Variants in SCAF4 observed in about 807,000 individuals in gnomAD.
The protein encoded by SCAF4 is SR-related and CTD-associated factor 4.
A neutral mutation model predicts 129.8 loss-of-function variants in SCAF4; 25 were observed. The observed-to-expected ratio is 0.19, with a 90% CI of 0.14 to 0.27. The LOEUF (loss-of-function observed/expected upper bound fraction) is 0.27. Among genes scored for constraint, SCAF4 ranks in the 10% least tolerant of loss-of-function variants. SCAF4 has a pLI of 1.00. For missense variants in SCAF4, 1,246 were observed against 1,457.1 expected, an observed-to-expected ratio of 0.86 and a Z score of 2.36; for synonymous variants, 551 against 497.7, an observed-to-expected ratio of 1.11 and a Z score of -1.43.
rs1287915707 is a variant in SCAF4, at chr21:31,672,135, T to G, written c.2708A>C (p.His903Pro). 1 of 1,608,286 alleles carries G rather than the reference T, an allele frequency of 6.2e-7. No homozygotes were observed. The highest frequency in any genetic ancestry group is 8.5e-7 in the Non-Finnish European group (1 of 1,175,946). The change falls in exon 20 of 20, where the codon CAT (histidine) becomes CCT (proline). Residue 903 changes from histidine to proline, a missense_variant. This residue lies in a region of SCAF4 where 339 missense variants were observed against 325.0 expected (regional missense o/e 1.04). Transcript: ENST00000286835. ...CGGTGGGAAGGGACCTTTCATTCCA[T>G]GAGGTGGAGGCATCGCAAAGCCCCC... The part of the protein sequence containing the change: ...GPGGFAMPPP[H>P]GMKGPFPPHG...
chr21:31,700,405 TG>T (rs1179291313), intron 7 of SCAF4, among the ~76,000 whole-genome samples: 1 of 151,968 alleles, frequency 6.6e-6, no homozygotes, highest in East Asian at 1.9e-4. Flanking sequence ...CACACTTGGC[TG>T]TCAGGTTTTT....
At chr21:31,701,611 C>A (rs527310814) in intron 6 of SCAF4, among the ~76,000 whole-genome samples, 165 bp downstream of exon 6, 5 of 152,346 alleles carry the variant, frequency 3.3e-5, no homozygotes, top group Admixed American at 6.5e-5. Context: ...ATCACTTCTA[C>A]ATTTTCCCTG....
At chr21:31,683,530 C>T (rs1290304783) in intron 19 of SCAF4, among the ~76,000 whole-genome samples, 1 of 152,130 alleles carries the variant, frequency 6.6e-6, no homozygotes, top group Non-Finnish European at 1.5e-5. Context: ...TCTTTTCACT[C>T]ATTCAATAAA....
At chr21:31,717,878 C>CACAT (rs1459301983) in intron 1 of SCAF4, among the ~76,000 whole-genome samples, 5,264 of 105,726 alleles carry the variant, frequency 0.05, 173 homozygotes, top group Non-Finnish European at 0.055. Flanking sequence ...CACATATACA[C>CACAT]ATATATACAC....
chr21:31,687,454 A>T (rs2050152376), intron 16 of SCAF4, among the ~76,000 whole-genome samples: 1 of 152,196 alleles, frequency 6.6e-6, no homozygotes, highest in Non-Finnish European at 1.5e-5. Flanking sequence ...GCTGAATATA[A>T]ACAACAGAGT....
Position 31,687,873 on chromosome 21 carries a change from C to A in SCAF4, c.2043+434G>T, listed in dbSNP as rs566093726. 5.9e-4 allele frequency among the ~76,000 whole-genome samples: 89 copies of A among 151,838 alleles called. 1 individual carries two copies. Among genetic ancestry groups the A allele is most frequent in the African/African-American group, 2.0e-3 (83 of 41,388 alleles). ...CTGTAATCCCAGCACTTTGGGAGGCCAAGGCAGGCAGATCACTTGAGGCCA... is the reference window on the plus strand; with the variant it reads ...CTGTAATCCCAGCACTTTGGGAGGCAAAGGCAGGCAGATCACTTGAGGCCA... On this transcript the variant is annotated intron_variant, in intron 16 of 19. Transcript: ENST00000286835.
At chr21:31,711,331 T>A (rs1387293675) in intron 1 of SCAF4, among the ~76,000 whole-genome samples, 5 of 152,244 alleles carry the variant, frequency 3.3e-5, no homozygotes, top group Non-Finnish European at 5.9e-5. Context: ...TCTCTACCTT[T>A]TGCAAGACAA....
chr21:31,717,971 T>G (rs2050979495), intron 1 of SCAF4, among the ~76,000 whole-genome samples: 1 of 149,942 alleles, frequency 6.7e-6, no homozygotes, highest in Admixed American at 6.7e-5. Flanking sequence ...GAGATGGAGT[T>G]TCACTCTCAT....
At chr21:31,723,627 T>TGA (rs200958555) in intron 1 of SCAF4, among the ~76,000 whole-genome samples, 1 of 142,574 alleles carries the variant, frequency 7.0e-6, no homozygotes, top group African/African-American at 2.5e-5. Context: ...TGTGTGTGTG[T>TGA]GTGCGCGCGC....
chr21:31,691,627 A>G (rs149401657), intron 14 of SCAF4, among the ~76,000 whole-genome samples, 190 bp downstream of exon 14: 131 of 151,940 alleles, frequency 8.6e-4, no homozygotes, highest in African/African-American at 3.0e-3. Flanking sequence ...CGTAACATTT[A>G]CAATTTTATG....
chr21:31,723,027 T>G (rs968413904), intron 1 of SCAF4, among the ~76,000 whole-genome samples: 18 of 152,220 alleles, frequency 1.2e-4, no homozygotes, highest in African/African-American at 2.4e-5. Flanking sequence ...TATTGTGAAG[T>G]ATGCTTATAA....
intron 1 of SCAF4, among the ~76,000 whole-genome samples, chr21:31,723,541 A>G (rs2051123420): frequency 6.6e-6 from 1 of 152,200 alleles, no homozygotes; most frequent in South Asian, 2.1e-4. Context: ...ATCAGTATGC[A>G]GATAAGTTTT....
At chr21:31,681,521 A>G (rs1055437858) in intron 19 of SCAF4, among the ~76,000 whole-genome samples, 7 of 152,210 alleles carry the variant, frequency 4.6e-5, no homozygotes, top group Non-Finnish European at 1.0e-4. Context: ...TACAGTAAAG[A>G]GAATGAACTG....
Position 31,703,759 on chromosome 21 carries a change from T to C in SCAF4, c.321+6A>G. Reference sequence around the variant, plus strand: ...ATACAAGTTTTAGTTTAAAAATTAATTATACCTTATCTTCAGATGGACAAA... The same window carrying C: ...ATACAAGTTTTAGTTTAAAAATTAACTATACCTTATCTTCAGATGGACAAA... On this transcript the variant is annotated splice_donor_region_variant and intron_variant, in intron 4 of 19. Transcript: ENST00000286835. The C allele has an allele frequency of 7.0e-6, 10 of 1,429,130 alleles. No homozygotes were observed. The highest frequency in any genetic ancestry group is 9.7e-6 in the Non-Finnish European group (10 of 1,031,428). The allele number at this position is 1,429,130 out of a possible 1,614,324, so 88.5% of individuals were successfully genotyped here.
At chr21:31,685,878 A>AG in intron 16 of SCAF4, 145 bp from the exon 17 acceptor site, 1 of 757,808 alleles carries the variant, frequency 1.3e-6, no homozygotes, top group Non-Finnish European at 2.1e-6. Flanking sequence ...AACAGGTGGT[A>AG]GTTAACTTCT....
chr21:31,691,352 C>T (rs775806551), intron 14 of SCAF4, among the ~76,000 whole-genome samples: 1 of 152,134 alleles, frequency 6.6e-6, no homozygotes, highest in Non-Finnish European at 1.5e-5. Flanking sequence ...TGCAATCCAG[C>T]GGTAGAATGG....
At chr21:31,691,791 A>T (rs1484234380) in intron 14 of SCAF4, 26 bp downstream of exon 14, 3 of 1,285,414 alleles carry the variant, frequency 2.3e-6, no homozygotes, top group Non-Finnish European at 3.2e-6. Flanking sequence ...TAAAAAAAAA[A>T]TTAATTATAA....
intron 19 of SCAF4, among the ~76,000 whole-genome samples, chr21:31,675,848 GGT>G (rs1344541503): frequency 1.3e-5 from 2 of 152,262 alleles, no homozygotes; most frequent in South Asian, 4.1e-4. Context: ...TGCCTGAAAT[GGT>G]GTGAAATAAA....
At position 31,692,370 on chromosome 21, in the gene SCAF4, A is replaced by T. The variant is rs140491330; in HGVS notation, c.1593T>A (p.Phe531Leu). The T allele has an allele frequency of 6.2e-7, 1 of 1,613,824 alleles. No individual in the cohort carries two copies. Among genetic ancestry groups the T allele is most frequent in the African/African-American group, 1.3e-5 (1 of 75,048 alleles). Residue 531 changes from phenylalanine to leucine, a missense_variant, in exon 13 of 20, where the codon TTT becomes TTA. Physicochemically the swap from Phe to Leu is conservative, Grantham distance 22. Around this residue, in one of 6 missense-constraint regions of SCAF4, gnomAD observed 468 missense variants for 605.5 expected, o/e 0.77. Transcript: ENST00000286835. ...QQDVASLLEE[F>L]GPIESINMIP... ...TCACATTAATTGATTCAATTGGACC[A>T]AACTCTTCCAAGAGACTGGCAACAT...
Sources: gnomAD v4.1 joint callset for allele counts (sites outside exome capture counted in the v4.1 genomes callset) on GRCh38, gnomAD v4.1.1 for gene constraint, gnomAD v4.1.1 regional missense constraint, MANE v1.5 for transcripts, NCBI Gene and HGNC (gene_info 2026-07-23, HGNC 2026-07-21) for gene names.